The following CDKN3 variants were observed in gnomAD, a reference collection of about 807,000 sequenced individuals.
CDKN3 encodes cyclin-dependent kinase inhibitor 3.
Under a neutral mutation model 36.1 loss-of-function variants are expected in CDKN3, and 19 were observed. The ratio of observed to expected loss-of-function variants is 0.53; its 90% confidence interval spans 0.37 to 0.77. The LOEUF is 0.77. CDKN3 is among the 30% of genes least tolerant of loss of function. CDKN3 has a pLI of 0.00. For missense variants in CDKN3, 188 were observed against 248.6 expected (o/e 0.76, Z 1.64); for synonymous variants, 71 against 85.3 (o/e 0.83, Z 0.92).
intron 3 of CDKN3, among the ~76,000 whole-genome samples, chr14:54,406,153 T>A (rs986639733): frequency 2.0e-5 from 3 of 152,246 alleles, no homozygotes; most frequent in Non-Finnish European, 2.9e-5. Context: ...TTTAAGAATG[T>A]TGAATATTGG....
At chr14:54,410,718 C>T (rs2030318793) in intron 4 of CDKN3, among the ~76,000 whole-genome samples, 1 of 151,932 alleles carries the variant, frequency 6.6e-6, no homozygotes. Flanking sequence ...CAGAGTCAAG[C>T]AAACAGCTAA....
chr14:54,409,853 C>G (rs2030289527), intron 4 of CDKN3, among the ~76,000 whole-genome samples: 1 of 149,890 alleles, frequency 6.7e-6, no homozygotes, highest in Non-Finnish European at 1.5e-5. Context: ...GATTGCATTA[C>G]TGCACTCCAA....
At chr14:54,400,756 C>CA (rs2029911030) in intron 2 of CDKN3, among the ~76,000 whole-genome samples, 1 of 152,178 alleles carries the variant, frequency 6.6e-6, no homozygotes, top group African/African-American at 2.4e-5. Flanking sequence ...ATCTAATTTT[C>CA]AAAGTCAGGT....
At chr14:54,399,213 G>A (rs113249216) in intron 1 of CDKN3, among the ~76,000 whole-genome samples, 5,001 of 152,086 alleles carry the variant, frequency 0.033, 263 homozygotes, top group African/African-American at 0.11. Context: ...TCAAACTCCT[G>A]ACCTCAGGTG....
At chr14:54,412,074 T>C (rs1289130090) in intron 5 of CDKN3, among the ~76,000 whole-genome samples, 1 of 152,206 alleles carries the variant, frequency 6.6e-6, no homozygotes, top group African/African-American at 2.4e-5. Context: ...TTAGTTGCTT[T>C]CAATAGCAAG....
At chr14:54,415,740 G>C (rs1436218806) in intron 5 of CDKN3, among the ~76,000 whole-genome samples, 159 bp from the exon 6 acceptor site, 3 of 152,300 alleles carry the variant, frequency 2.0e-5, no homozygotes, top group African/African-American at 4.8e-5. Context: ...AGCACACCTT[G>C]CTCTCAGTTG....
Position 54,419,977 on chromosome 14 carries a change from C to G in CDKN3, c.553-15C>G, listed in dbSNP as rs1009352378. On this transcript the variant is annotated splice_polypyrimidine_tract_variant and intron_variant, in intron 7 of 7. Coordinates refer to ENST00000335183, the MANE Select transcript of CDKN3 (RefSeq NM_005192.4). ...TTTTCTACAGTGTATTCCAATGTATCTTTACTTTTTTCAGCAATACAATTA... is the reference window on the plus strand; with the variant it reads ...TTTTCTACAGTGTATTCCAATGTATGTTTACTTTTTTCAGCAATACAATTA... 1 of 1,510,684 alleles carries G rather than the reference C, an allele frequency of 6.6e-7. No homozygotes were observed. The highest frequency in any genetic ancestry group is 9.2e-7 in the Non-Finnish European group (1 of 1,086,460). The allele number at this position is 1,510,684 out of a possible 1,614,324, so 93.6% of individuals were successfully genotyped here. A position where few individuals can be genotyped will look rare whatever the true frequency, so the allele number is the denominator to read the frequency against.
At chr14:54,418,828 G>A (rs764690716) in intron 7 of CDKN3, among the ~76,000 whole-genome samples, 1 of 151,810 alleles carries the variant, frequency 6.6e-6, no homozygotes, top group African/African-American at 2.4e-5. Flanking sequence ...CCACTCCACT[G>A]TACAGGTCTG....
Position 54,406,448 on chromosome 14 carries a change from C to G in CDKN3, c.149-2297C>G, listed in dbSNP as rs533425610. 2.0e-5 allele frequency among the ~76,000 whole-genome samples: 3 copies of G among 152,230 alleles called. No homozygotes were observed. The East Asian group carries it at 5.8e-4, about 29-fold the overall frequency. On this transcript the variant is annotated intron_variant, in intron 3 of 7. Transcript: ENST00000335183. ...CTGAAGTGTGTTTTCCAACTTGGTTCCATTCTCCCCGTCACTTTCAGGTAC... is the reference window on the plus strand; with the variant it reads ...CTGAAGTGTGTTTTCCAACTTGGTTGCATTCTCCCCGTCACTTTCAGGTAC...
intron 4 of CDKN3, among the ~76,000 whole-genome samples, chr14:54,409,063 A>G (rs995360239): frequency 5.9e-5 from 9 of 152,170 alleles, no homozygotes; most frequent in African/African-American, 2.2e-4. Context: ...GTTGGCATGA[A>G]AAAAAGTATG....
At chr14:54,412,665 A>G (rs551841222) in intron 5 of CDKN3, among the ~76,000 whole-genome samples, 1 of 152,322 alleles carries the variant, frequency 6.6e-6, no homozygotes, top group African/African-American at 2.4e-5. Flanking sequence ...AATGGGCAGT[A>G]GATAGTAGCA....
chr14:54,415,667 A>G (rs572170721), intron 5 of CDKN3, among the ~76,000 whole-genome samples: 4 of 152,354 alleles, frequency 2.6e-5, no homozygotes, highest in East Asian at 3.9e-4. Flanking sequence ...AAAGAGGTCA[A>G]TAAGAAGACT....
intron 3 of CDKN3, among the ~76,000 whole-genome samples, chr14:54,407,680 G>A (rs966947746): frequency 2.6e-5 from 4 of 152,136 alleles, no homozygotes; most frequent in Non-Finnish European, 5.9e-5. Context: ...CCTCAATAAT[G>A]GTGGATGCCC....
At chr14:54,408,127 C>T (rs2030224197) in intron 3 of CDKN3, among the ~76,000 whole-genome samples, 1 of 152,172 alleles carries the variant, frequency 6.6e-6, no homozygotes, top group Admixed American at 6.5e-5. Flanking sequence ...TGGGTATATA[C>T]CTAGTTGTAG....
intron 6 of CDKN3, among the ~76,000 whole-genome samples, chr14:54,417,045 G>A (rs893391692): frequency 2.0e-5 from 3 of 152,234 alleles, no homozygotes; most frequent in Non-Finnish European, 2.9e-5. Context: ...TGGCAAGGAT[G>A]TAGAGAAATT....
Position 54,399,925 on chromosome 14 carries a change from C to A in CDKN3, c.41C>A (p.Ser14Ter). The change falls in exon 2 of 8, where the codon TCA becomes TAA. Residue 14 changes from serine (S) to a stop codon, truncating the protein, a stop_gained. Coordinates refer to ENST00000335183, the MANE Select transcript of CDKN3 (RefSeq NM_005192.4). LOFTEE classifies it high-confidence loss of function. The stretch of plus-strand genomic sequence containing the variant: ...TCAATACAAACAAGTGAGTTTGACT[C>A]ATCAGATGAAGAGCCTATTGAAGAT... ...PSSIQTSEFD[S>*]SDEEPIEDEQ... 1 of 1,580,602 alleles carries A rather than the reference C, an allele frequency of 6.3e-7. No individual in the cohort carries two copies. Among genetic ancestry groups the A allele is most frequent in the Non-Finnish European group, 8.7e-7 (1 of 1,149,808 alleles).
At chr14:54,406,551 T>C (rs1430524213) in intron 3 of CDKN3, among the ~76,000 whole-genome samples, 2 of 152,110 alleles carry the variant, frequency 1.3e-5, no homozygotes, top group South Asian at 2.1e-4. Flanking sequence ...TAATTCTTTT[T>C]TCTCTAATTT....
intron 3 of CDKN3, among the ~76,000 whole-genome samples, chr14:54,403,133 C>T (rs948996553): frequency 6.6e-5 from 10 of 152,102 alleles, no homozygotes; most frequent in African/African-American, 2.2e-4. Context: ...CTATAAATTA[C>T]TTTGGGCAGT....
In CDKN3 at chr14:54,399,932, T is replaced by G. The variant is rs765605792; in HGVS notation, c.48T>G (p.Asp16Glu). ...AAACAAGTGAGTTTGACTCATCAGA[T>G]GAAGAGCCTATTGAAGATGAACAGA... ...SIQTSEFDSS[D>E]EEPIEDEQTP... Residue 16 changes from aspartate (D) to glutamate (E), a missense_variant, in exon 2 of 8, where the codon GAT becomes GAG. Transcript: ENST00000335183. The G allele has an allele frequency of 6.3e-7, 1 of 1,581,614 alleles. No homozygotes were observed. The highest frequency in any genetic ancestry group is 1.1e-5 in the South Asian group (1 of 90,378).
Sources: allele counts gnomAD v4.1 joint callset (sites outside exome capture counted in the v4.1 genomes callset), GRCh38; gene constraint gnomAD v4.1.1; transcripts MANE v1.5; gene names NCBI Gene and HGNC (gene_info 2026-07-23, HGNC 2026-07-21).